The following CNNM2 variants were observed in gnomAD, a reference collection of about 807,000 sequenced individuals.
The protein encoded by CNNM2 is cyclin and CBS domain divalent metal cation transport mediator 2.
Under a neutral mutation model 66.9 loss-of-function variants are expected in CNNM2, and 12 were observed. The observed-to-expected ratio is 0.18, with a 90% confidence interval of 0.11 to 0.29. The LOEUF is 0.29. Among genes scored for constraint, CNNM2 ranks in the 10% least tolerant of loss-of-function variants. The probability of loss-of-function intolerance (pLI) is 1.00; values close to 1 mark genes in which losing one functional copy is unlikely to be tolerated. For missense variants in CNNM2, 705 were observed against 1,167.7 expected, an observed-to-expected ratio of 0.60 and a Z score of 5.77; for synonymous variants, 557 against 501.8, an observed-to-expected ratio of 1.11 and a Z score of -1.47.
At chr10:103,045,591 C>A (rs527343180) in intron 1 of CNNM2, among the ~76,000 whole-genome samples, 8 of 151,262 alleles carry the variant, frequency 5.3e-5, no homozygotes, top group African/African-American at 1.9e-4. Context: ...TGCACCCCAC[C>A]CCCCGCCACC....
intron 1 of CNNM2, among the ~76,000 whole-genome samples, chr10:102,954,929 A>G (rs987288975): frequency 6.6e-6 from 1 of 152,174 alleles, no homozygotes; most frequent in Non-Finnish European, 1.5e-5. Flanking sequence ...GGAAGAATCA[A>G]TATCGTGAAA....
In CNNM2 at chr10:103,014,850, C is replaced by T. The variant is rs573337724; in HGVS notation, c.1622-34857C>T. ...AGGGCTGCAGTTATCTATGATTGTG[C>T]CACTGCACTGCAGCCTGGGTGGCAG... On this transcript the variant is annotated intron_variant, in intron 1 of 7. Coordinates refer to ENST00000369878, the MANE Select transcript of CNNM2 (RefSeq NM_017649.5). 1.1e-4 allele frequency among the ~76,000 whole-genome samples: 17 copies of T among 151,878 alleles called. No homozygotes were observed. The South Asian group carries it at 1.5e-3, about 13-fold the overall frequency.
chr10:103,014,074 T>A (rs543363825), intron 1 of CNNM2, among the ~76,000 whole-genome samples: 1 of 152,366 alleles, frequency 6.6e-6, no homozygotes, highest in East Asian at 1.9e-4. Flanking sequence ...TTGGCCTGTT[T>A]ATCTTTGCCC....
At chr10:103,019,419 G>A (rs1012629393) in intron 1 of CNNM2, among the ~76,000 whole-genome samples, 1 of 152,178 alleles carries the variant, frequency 6.6e-6, no homozygotes, top group African/African-American at 2.4e-5. Context: ...TGAAAGTTGA[G>A]CAAGTGGGGA....
chr10:102,918,917 GC>G lies in CNNM2; in HGVS notation c.442del (p.Gln148SerfsTer96). 1 of 1,611,736 alleles carries G rather than the reference GC, an allele frequency of 6.2e-7. No individual in the cohort carries two copies. The highest frequency in any genetic ancestry group is 2.2e-5 in the East Asian group (1 of 44,782). Reference protein sequence around the residue: ...GGPAPPEPDSGPQRCGIRTSD... With the variant: ...GGPAPPEPDSXPQRCGIRTSD... ...CCCGCGCCGCCAGAGCCGGACAGCG[GC>G]CCCCAGCGATGCGGCATCCGCACCT... On this transcript the variant is annotated frameshift_variant, in exon 1 of 8. Transcript: ENST00000369878. LOFTEE classifies it high-confidence loss of function. This position sits in a 1 kb window ranked among gnomAD's most constrained non-coding sequence, Gnocchi z 4.1.
chr10:103,023,623 A>G (rs181190957), intron 1 of CNNM2, among the ~76,000 whole-genome samples: 63 of 152,026 alleles, frequency 4.1e-4, no homozygotes, highest in Admixed American at 2.6e-3. Context: ...TGAGGAGTCC[A>G]CCCCCATGAT....
intron 1 of CNNM2, chr10:102,921,232 G>A (rs903973435): frequency 5.6e-6 from 1 of 177,652 alleles, no homozygotes; most frequent in African/African-American, 2.4e-5. Flanking sequence ...GGCATGTGCA[G>A]GTATTGAAAT....
chr10:103,066,432 C>T (rs1297818697), intron 4 of CNNM2, among the ~76,000 whole-genome samples: 3 of 152,092 alleles, frequency 2.0e-5, no homozygotes, highest in African/African-American at 7.2e-5. Flanking sequence ...TTCTCTACCG[C>T]ACTCCCTCCC....
intron 1 of CNNM2, among the ~76,000 whole-genome samples, chr10:102,984,767 C>T (rs979189242): frequency 6.6e-6 from 1 of 152,090 alleles, no homozygotes; most frequent in Non-Finnish European, 1.5e-5. Flanking sequence ...TCAAGTGATT[C>T]TCCCAAGTAG....
At chr10:102,920,770 A>T (rs1233519320) in intron 1 of CNNM2, among the ~76,000 whole-genome samples, 2 of 152,226 alleles carry the variant, frequency 1.3e-5, no homozygotes, top group Non-Finnish European at 2.9e-5. Context: ...GTTTTAAATT[A>T]AAGTTATTAA....
Position 103,076,133 on chromosome 10 carries a change from T to A in CNNM2, c.2281T>A (p.Ser761Thr). 3 of 1,611,646 alleles carry A rather than the reference T, an allele frequency of 1.9e-6. No individual in the cohort carries two copies. Among genetic ancestry groups the A allele is most frequent in the Non-Finnish European group, 2.5e-6 (3 of 1,179,038 alleles). The change falls in exon 7 of 8, where the codon TCT becomes ACT. Residue 761 changes from serine to threonine, a missense_variant. Ser to Thr is a moderately conservative substitution (Grantham distance 58). Coordinates refer to ENST00000369878, the MANE Select transcript of CNNM2 (RefSeq NM_017649.5). ...PRPCGLNHSD[S>T]LSRSDRIDAV... Reference sequence around the variant, plus strand: ...CCCATGTGGCTTGAATCACTCAGACTCTCTCAGTCGAAGCGACCGGATTGA... The same window carrying A: ...CCCATGTGGCTTGAATCACTCAGACACTCTCAGTCGAAGCGACCGGATTGA...
chr10:103,019,571 A>C (rs2064530090), intron 1 of CNNM2, among the ~76,000 whole-genome samples: 1 of 152,164 alleles, frequency 6.6e-6, no homozygotes, highest in African/African-American at 2.4e-5. Flanking sequence ...GTGCTAATGC[A>C]GATTATCTGG....
rs1353509268 is a variant in CNNM2, at chr10:102,989,409, TAAAG to T, written c.1622-60297_1622-60294del. Reference sequence around the variant, plus strand: ...TTTTTTTGGAGGTTACTTCAACAAATAAAGTTTTATTTTTATTTAGGCTTTCCTT... The same window carrying T: ...TTTTTTTGGAGGTTACTTCAACAAATTTTTATTTTTATTTAGGCTTTCCTT... On this transcript the variant is annotated intron_variant, in intron 1 of 7. Coordinates refer to ENST00000369878, the MANE Select transcript of CNNM2 (RefSeq NM_017649.5). Among the ~76,000 whole-genome samples the T allele has an allele frequency of 3.3e-5, 5 of 152,180 alleles. No individual in the cohort carries two copies. The East Asian group carries it at 5.8e-4, about 18-fold the overall frequency.
chr10:103,033,125 AAAAAG>A (rs947243966), intron 1 of CNNM2, among the ~76,000 whole-genome samples: 12 of 151,838 alleles, frequency 7.9e-5, no homozygotes, highest in Admixed American at 1.3e-4. Context: ...CCAAAAAAAA[AAAAAG>A]AAAAGAAAAA....
intron 1 of CNNM2, among the ~76,000 whole-genome samples, chr10:103,035,989 A>G (rs1382802650): frequency 6.6e-6 from 1 of 152,208 alleles, no homozygotes; most frequent in African/African-American, 2.4e-5. Context: ...CGCATCAGTC[A>G]TTAGCTGTCT....
chr10:103,069,873 C>T (rs948094806), intron 5 of CNNM2, among the ~76,000 whole-genome samples: 3 of 152,168 alleles, frequency 2.0e-5, no homozygotes, highest in African/African-American at 7.2e-5. Flanking sequence ...TAAAAATAAC[C>T]CATTTTAAAA....
At chr10:102,988,120 G>A (rs1166514919) in intron 1 of CNNM2, among the ~76,000 whole-genome samples, 1 of 152,078 alleles carries the variant, frequency 6.6e-6, no homozygotes, top group East Asian at 1.9e-4. Flanking sequence ...GTAACCTGGT[G>A]AAACCCCGTC....
chr10:103,034,827 G>A (rs1409618668), intron 1 of CNNM2, among the ~76,000 whole-genome samples: 2 of 151,804 alleles, frequency 1.3e-5, no homozygotes, highest in East Asian at 1.9e-4. Flanking sequence ...TTAGCCGGGC[G>A]CGGTGGCGGG....
At position 103,088,925 on chromosome 10, in the gene CNNM2, G is replaced by A. The variant is rs1436973300; in HGVS notation, c.*11745G>A. 4.7e-6 allele frequency: 1 copy of A among 212,544 alleles called. No homozygotes were observed. Among genetic ancestry groups the A allele is most frequent in the African/African-American group, 2.3e-5 (1 of 44,160 alleles). The allele number at this position is 212,544 out of a possible 1,614,324, so 13.2% of individuals were successfully genotyped here. On this transcript the variant is annotated 3_prime_UTR_variant, in exon 8 of 8. Transcript: ENST00000369878. ...TCTTCCCTTTCTTTTCTGGGGGCTT[G>A]TTCCTTTGTCCACTTGCAGCTAAAT...
Sources: gnomAD v4.1 joint callset for allele counts (sites outside exome capture counted in the v4.1 genomes callset) on GRCh38, gnomAD v4.1.1 for gene constraint, Gnocchi (gnomAD v3.1) non-coding constraint, MANE v1.5 for transcripts, NCBI Gene and HGNC (gene_info 2026-07-23, HGNC 2026-07-21) for gene names.